PRKDC: variants seen among roughly 807,000 people sequenced by gnomAD.
PRKDC encodes the protein DNA-dependent protein kinase catalytic subunit.
A neutral mutation model predicts 486.9 loss-of-function variants in PRKDC; 82 were observed. That is an observed-to-expected ratio of 0.17 (90% CI 0.14 to 0.20). The LOEUF (loss-of-function observed/expected upper bound fraction) is 0.20, where lower values mean the gene tolerates loss of function less well. PRKDC is among the 10% of genes least tolerant of loss of function. The probability of loss-of-function intolerance (pLI) is 1.00; values close to 1 mark genes in which losing one functional copy is unlikely to be tolerated. For synonymous variants in PRKDC, 1,895 were observed against 1,837.0 expected (o/e 1.03, Z -0.81); for missense variants, 4,504 against 5,038.2 (o/e 0.89, Z 3.21).
intron 76 of PRKDC, among the ~76,000 whole-genome samples, chr8:47,785,655 G>A (rs1187954952): frequency 1.3e-5 from 2 of 152,088 alleles, no homozygotes; most frequent in African/African-American, 4.8e-5. Flanking sequence ...GATCGCTATT[G>A]AGCCCAGGAG....
intron 21 of PRKDC, among the ~76,000 whole-genome samples, chr8:47,922,043 A>G (rs1017561164): frequency 2.6e-5 from 4 of 152,004 alleles, no homozygotes; most frequent in African/African-American, 9.7e-5. Flanking sequence ...GGCCTCCCTA[A>G]GTGCTGGGAT....
chr8:47,834,786 G>A (rs1376366939), intron 58 of PRKDC, among the ~76,000 whole-genome samples: 1 of 149,424 alleles, frequency 6.7e-6, no homozygotes, highest in Non-Finnish European at 1.5e-5. Context: ...CGCCTCCCGG[G>A]TTCACGCCAT....
chr8:47,875,941 A>G (rs539975052), intron 40 of PRKDC, among the ~76,000 whole-genome samples: 22 of 152,264 alleles, frequency 1.4e-4, no homozygotes, highest in Non-Finnish European at 3.1e-4. Flanking sequence ...ATCAGTAGAA[A>G]GGAATGAACT....
chr8:47,892,954 A>AAC (rs2089494336), intron 31 of PRKDC, among the ~76,000 whole-genome samples, 185 bp downstream of exon 31: 1 of 152,212 alleles, frequency 6.6e-6, no homozygotes, highest in Non-Finnish European at 1.5e-5. Flanking sequence ...AAGCTATGAG[A>AAC]ACACTGTATT....
intron 16 of PRKDC, among the ~76,000 whole-genome samples, chr8:47,931,697 TCAG>T (rs2090257551): frequency 6.6e-6 from 1 of 152,154 alleles, no homozygotes; most frequent in Non-Finnish European, 1.5e-5. Flanking sequence ...GTCTAACTTC[TCAG>T]GACTGCAGTG....
chr8:47,821,557 A>C, intron 65 of PRKDC, 47 bp downstream of exon 65: 1 of 1,519,250 alleles, frequency 6.6e-7, no homozygotes, highest in Non-Finnish European at 8.9e-7. Context: ...AGTAGAAAAC[A>C]CCTATCTAAA....
intron 16 of PRKDC, among the ~76,000 whole-genome samples, chr8:47,931,421 A>C (rs533510669): frequency 1.2e-4 from 18 of 152,306 alleles, no homozygotes; most frequent in African/African-American, 4.3e-4. Context: ...AAGCCACTGA[A>C]GACAGCAATG....
chr8:47,803,259 A>G (rs766216836), intron 70 of PRKDC, 47 bp downstream of exon 70: 5 of 1,537,386 alleles, frequency 3.3e-6, no homozygotes, highest in African/African-American at 2.8e-5. Context: ...ACAAGACAAT[A>G]TAACACAGCC....
chr8:47,806,990 C>T, intron 69 of PRKDC, 147 bp downstream of exon 69: 1 of 787,378 alleles, frequency 1.3e-6, no homozygotes, highest in Non-Finnish European at 1.9e-6. Context: ...GCCACTGCAC[C>T]CGGCCAAGTT....
At position 47,898,509 on chromosome 8, in the gene PRKDC, T is replaced by C; in HGVS notation, c.3425A>G (p.His1142Arg). The part of the protein sequence containing the change: ...DHLCRIIEKK[H>R]VSLNKAKKRR... ...TTTCTTTGCTTTATTTAAAGAAACATGCTTCTTTTCAATGATGCGGCATAG... is the reference window on the plus strand; with the variant it reads ...TTTCTTTGCTTTATTTAAAGAAACACGCTTCTTTTCAATGATGCGGCATAG... The change falls in exon 29 of 86, where the codon CAT becomes CGT. Residue 1142 changes from histidine to arginine, a missense_variant. Around this residue, in one of 6 missense-constraint regions of PRKDC, gnomAD observed 1,969 missense variants for 2,068.9 expected, o/e 0.95. Coordinates refer to ENST00000314191, the MANE Select transcript of PRKDC (RefSeq NM_006904.7). 1 of 1,565,120 alleles carries C rather than the reference T, an allele frequency of 6.4e-7. No individual in the cohort carries two copies. Among genetic ancestry groups the C allele is most frequent in the Non-Finnish European group, 8.7e-7 (1 of 1,149,298 alleles).
chr8:47,813,746 A>G (rs1269231323), intron 68 of PRKDC, among the ~76,000 whole-genome samples: 1 of 151,916 alleles, frequency 6.6e-6, no homozygotes, highest in African/African-American at 2.4e-5. Flanking sequence ...GGCTAATTTT[A>G]TATTTTTAGT....
chr8:47,826,972 AT>A, intron 62 of PRKDC, 111 bp from the exon 63 acceptor site: 1 of 1,031,462 alleles, frequency 9.7e-7, no homozygotes, highest in Non-Finnish European at 1.4e-6. Context: ...GGGTAGTGAT[AT>A]CACCAGAAGT....
intron 36 of PRKDC, among the ~76,000 whole-genome samples, chr8:47,882,955 T>C (rs1004129128): frequency 6.6e-6 from 1 of 152,228 alleles, no homozygotes; most frequent in Non-Finnish European, 1.5e-5. Flanking sequence ...GCCCCATTTC[T>C]GTGGCAACTC....
chr8:47,784,441 T>C (rs887140744), intron 77 of PRKDC, among the ~76,000 whole-genome samples: 3 of 151,754 alleles, frequency 2.0e-5, no homozygotes, highest in African/African-American at 4.8e-5. Context: ...AAATGAACCA[T>C]ATGCAACTGC....
chr8:47,836,707 C>A (rs1357459169), intron 57 of PRKDC, among the ~76,000 whole-genome samples, 180 bp from the exon 58 acceptor site: 1 of 152,208 alleles, frequency 6.6e-6, no homozygotes, highest in Non-Finnish European at 1.5e-5. Context: ...GATTTGCCAA[C>A]TAGAAAAACT....
At chr8:47,943,812 G>A (rs1235119021) in intron 9 of PRKDC, 41 bp downstream of exon 9, 6 of 1,459,670 alleles carry the variant, frequency 4.1e-6, no homozygotes, top group Non-Finnish European at 5.6e-6. Flanking sequence ...TGTTAATTTA[G>A]TAATCTAAAA....
intron 26 of PRKDC, among the ~76,000 whole-genome samples, chr8:47,904,219 T>C (rs988667440): frequency 2.6e-5 from 4 of 152,206 alleles, no homozygotes; most frequent in African/African-American, 9.6e-5. Context: ...TTATTGAATC[T>C]GAGTATAGGA....
rs982262481 is a variant in PRKDC, at chr8:47,959,965, G to C, written c.154+8C>G. The C allele has an allele frequency of 2.5e-5, 39 of 1,534,860 alleles. No homozygotes were observed. The highest frequency in any genetic ancestry group is 3.3e-5 in the Non-Finnish European group (38 of 1,146,680). ...CCCACCCGCGGCCCAGCTCGGGCCG[G>C]TACCCACCCAGCACCGCGGGGCTGC... On this transcript the variant is annotated splice_region_variant and intron_variant, in intron 1 of 85. Transcript: ENST00000314191.
In PRKDC at chr8:47,782,368, T is replaced by C. The variant is rs755219722; in HGVS notation, c.11396+10A>G. On this transcript the variant is annotated intron_variant, in intron 79 of 85. Coordinates refer to ENST00000314191, the MANE Select transcript of PRKDC (RefSeq NM_006904.7). This position sits in a 1 kb window ranked among gnomAD's most constrained non-coding sequence, Gnocchi z 4.9. The stretch of plus-strand genomic sequence containing the variant: ...AGCAGCCTACTGGCTGGGAGCAGCC[T>C]GGCAGTTACCTGGAGGTCATGGGCA... The C allele has an allele frequency of 8.7e-6, 14 of 1,607,038 alleles. No individual in the cohort carries two copies.
Sources: allele counts gnomAD v4.1 joint callset (sites outside exome capture counted in the v4.1 genomes callset), GRCh38; gene constraint gnomAD v4.1.1; regional missense constraint gnomAD v4.1.1; non-coding constraint Gnocchi (gnomAD v3.1); transcripts MANE v1.5; gene names NCBI Gene and HGNC (gene_info 2026-07-23, HGNC 2026-07-21).